TRIM49C: variants seen among roughly 807,000 people sequenced by gnomAD.
TRIM49C encodes the protein tripartite motif containing 49C.
In TRIM49C, 6 loss-of-function variants were observed where a neutral mutation model predicts 21.4. The ratio of observed to expected loss-of-function variants is 0.28; its 90% CI spans 0.15 to 0.55. TRIM49C has a LOEUF of 0.55. Among genes scored for constraint, TRIM49C ranks in the 20% least tolerant of loss-of-function variants. The pLI is 0.94. For synonymous variants in TRIM49C, 57 were observed against 148.1 expected, an observed-to-expected ratio of 0.38 and a Z score of 4.47; for missense variants, 161 against 442.4, an observed-to-expected ratio of 0.36 and a Z score of 5.71.
the TRIM49C span, among the ~76,000 whole-genome samples, chr11:90,057,012 C>T: frequency 6.8e-6 from 1 of 147,610 alleles, no homozygotes; most frequent in African/African-American, 2.6e-5. Context: ...AGATATCCAC[C>T]AGTTCATTTT....
chr11:90,071,227 G>A, the TRIM49C span: 1 of 486,604 alleles, frequency 2.1e-6, no homozygotes, highest in Non-Finnish European at 4.0e-6. Flanking sequence ...AAAACATCAA[G>A]TTGTTTCCAA....
At chr11:90,069,094 G>GTTTTGTTTTTGT in the TRIM49C span, among the ~76,000 whole-genome samples, 1 of 130,214 alleles carries the variant, frequency 7.7e-6, no homozygotes, top group African/African-American at 3.0e-5. Context: ...TTTTTGTTTT[G>GTTTTGTTTTTGT]TTTTGTTTTT....
the TRIM49C span, chr11:90,063,131 A>T: frequency 3.5e-6 from 2 of 577,218 alleles, no homozygotes; most frequent in Non-Finnish European, 5.9e-6. Context: ...CGAATAAGTT[A>T]GCTCCAGTAC....
the TRIM49C span, among the ~76,000 whole-genome samples, chr11:90,057,415 TAATTTATTAATTAA>T: frequency 2.0e-5 from 2 of 100,296 alleles, no homozygotes; most frequent in East Asian, 5.4e-4. Context: ...GATTCCACAA[TAATTTATTAATTAA>T]AATAACTTAA....
At chr11:90,066,299 C>T in the TRIM49C span, among the ~76,000 whole-genome samples, 2 of 138,558 alleles carry the variant, frequency 1.4e-5, 1 homozygote, top group Admixed American at 1.7e-4. Flanking sequence ...GGATTACAAG[C>T]GTGAGCCACT....
the TRIM49C span, among the ~76,000 whole-genome samples, chr11:90,072,403 A>G: frequency 6.7e-6 from 1 of 148,426 alleles, no homozygotes; most frequent in Non-Finnish European, 1.5e-5. Context: ...AAAGTCAGAT[A>G]ATTCTGGCAA....
the TRIM49C span, chr11:90,062,525 C>T: frequency 1.8e-5 from 20 of 1,138,982 alleles, 5 homozygotes; most frequent in Non-Finnish European, 2.2e-5. Flanking sequence ...CCATCATTGT[C>T]ACAGGCCCTC....
chr11:90,067,050 T>C, the TRIM49C span, among the ~76,000 whole-genome samples: 2 of 137,274 alleles, frequency 1.5e-5, no homozygotes, highest in Non-Finnish European at 3.1e-5. Flanking sequence ...TTCAAACCAG[T>C]TTTTCTGTTC....
intron 5 of TRIM49C, among the ~76,000 whole-genome samples, 164 bp from the exon 6 acceptor site, chr11:90,038,529 A>T (rs1950742904): frequency 7.2e-6 from 1 of 138,608 alleles, no homozygotes; most frequent in Non-Finnish European, 1.6e-5. Context: ...TAACAATACA[A>T]CTGACTGGGT....
chr11:90,071,758 T>C, the TRIM49C span: 11 of 1,209,624 alleles, frequency 9.1e-6, 1 homozygote, highest in Admixed American at 9.5e-5. Flanking sequence ...ACAGGGCCCA[T>C]CACAGGACCG....
chr11:90,065,906 A>C, the TRIM49C span, among the ~76,000 whole-genome samples: 1 of 135,768 alleles, frequency 7.4e-6, no homozygotes, highest in Admixed American at 8.5e-5. Flanking sequence ...CACTGAGCCG[A>C]GATAGCACCA....
the TRIM49C span, chr11:90,062,588 T>G: frequency 2.1e-6 from 3 of 1,451,896 alleles, no homozygotes; most frequent in Non-Finnish European, 9.2e-7. Context: ...AGGCATCACG[T>G]ACCCTGCATT....
Position 90,041,083 on chromosome 11 carries a change from A to G in TRIM49C, c.892A>G (p.Ser298Gly). The G allele has an allele frequency of 1.3e-6, 2 of 1,590,992 alleles. No homozygotes were observed. Among genetic ancestry groups the G allele is most frequent in the Non-Finnish European group, 1.7e-6 (2 of 1,167,446 alleles). ...TACTCTGCATCATGAAGAAGCCAAC[A>G]GTGATATCTTTCTGTATGAAATTTT... The part of the protein sequence containing the change: ...HITLHHEEAN[S>G]DIFLYEILRS... The change falls in exon 8 of 8, where the codon AGT becomes GGT. Residue 298 changes from serine to glycine, a missense_variant. Ser to Gly is a moderately conservative substitution (Grantham distance 56). Coordinates refer to ENST00000448984, the MANE Select transcript of TRIM49C (RefSeq NM_001195234.1).
chr11:90,033,945 CA>C (rs1168016150), intron 2 of TRIM49C, among the ~76,000 whole-genome samples: 7 of 70,170 alleles, frequency 1.0e-4, no homozygotes, highest in African/African-American at 2.1e-4. Flanking sequence ...TACTCTGTCT[CA>C]AAAAAAAAAA....
chr11:90,031,856 G>A (rs1163420201), intron 1 of TRIM49C, among the ~76,000 whole-genome samples: 1 of 141,004 alleles, frequency 7.1e-6, no homozygotes, highest in African/African-American at 2.5e-5. Flanking sequence ...AGCTGGATGA[G>A]GTGGTTTATA....
rs1405649659 is a variant in TRIM49C, at chr11:90,041,308, G to A, written c.1117G>A (p.Gly373Arg). The A allele has an allele frequency of 4.4e-6, 7 of 1,589,688 alleles. No individual in the cohort carries two copies. Among genetic ancestry groups the A allele is most frequent in the South Asian group, 2.3e-5 (2 of 88,352 alleles). The change falls in exon 8 of 8, where the codon GGA (glycine) becomes AGA (arginine). Residue 373 changes from glycine (G) to arginine (R), a missense_variant. Gly to Arg is a moderately radical substitution (Grantham distance 125, BLOSUM62 -2). Around this residue, in one of 3 missense-constraint regions of TRIM49C, gnomAD observed 63 missense variants for 67.6 expected, o/e 0.93. Transcript: ENST00000448984. The part of the protein sequence containing the change: ...KEKNQNEKID[G>R]KEGLFLLGCI... ...GAAGAATCAGAATGAGAAGATAGAT[G>A]GAAAGGAGGGACTCTTTCTTCTTGG...
the TRIM49C span, among the ~76,000 whole-genome samples, chr11:90,059,876 C>A: frequency 8.2e-5 from 12 of 146,680 alleles, 1 homozygote; most frequent in East Asian, 6.1e-4. Flanking sequence ...CTCCTCAGCC[C>A]TTCCTTAGGG....
chr11:90,033,597 GTAGTAGGC>G (rs1462952314), intron 2 of TRIM49C, among the ~76,000 whole-genome samples: 2 of 131,050 alleles, frequency 1.5e-5, no homozygotes, highest in Non-Finnish European at 3.3e-5. Context: ...TACCATAGGT[GTAGTAGGC>G]TATACCATCT....
the TRIM49C span, among the ~76,000 whole-genome samples, chr11:90,067,735 T>A: frequency 1.9e-4 from 26 of 139,216 alleles, no homozygotes; most frequent in East Asian, 6.6e-4. Context: ...ATGTGTATAC[T>A]GTATTTTTAC....
Sources: gnomAD v4.1 joint callset for allele counts (sites outside exome capture counted in the v4.1 genomes callset) on GRCh38, gnomAD v4.1.1 for gene constraint, gnomAD v4.1.1 regional missense constraint, MANE v1.5 for transcripts, NCBI Gene and HGNC (gene_info 2026-07-23, HGNC 2026-07-21) for gene names.